Variants in ADGRB3 observed in about 807,000 individuals in gnomAD.
ADGRB3 encodes the protein adhesion G protein-coupled receptor B3.
ADGRB3 carries 37 observed loss-of-function variants against 193.4 expected under a neutral mutation model. That is an observed-to-expected ratio of 0.19 (90% CI 0.15 to 0.25). The LOEUF (loss-of-function observed/expected upper bound fraction) is 0.25, where lower values mean the gene tolerates loss of function less well. Ranked by LOEUF, ADGRB3 falls within the 10% of genes least tolerant of loss-of-function variation. The pLI is 1.00. For missense variants in ADGRB3, 1,637 were observed against 1,852.9 expected (o/e 0.88, Z 2.14); for synonymous variants, 690 against 644.2 (o/e 1.07, Z -1.08).
chr6:68,919,667 A>G (rs1309541200), intron 3 of ADGRB3, among the ~76,000 whole-genome samples: 1 of 152,032 alleles, frequency 6.6e-6, no homozygotes, highest in Non-Finnish European at 1.5e-5. Context: ...TTGAAAGCCA[A>G]GGAAGGTGAG....
In ADGRB3 at chr6:68,687,489, T is replaced by C. The variant is rs866157240; in HGVS notation, c.757+48057T>C. ...GAAGGCTAAGGTATCAGTTTTCAGG[T>C]ATATGCGATGCATATTTTGCCATGT... is the stretch of plus-strand genomic sequence containing the variant. On this transcript the variant is annotated intron_variant, in intron 3 of 31. Coordinates refer to ENST00000370598, the MANE Select transcript of ADGRB3 (RefSeq NM_001704.3). Among the ~76,000 whole-genome samples, 14 of 152,266 alleles carry C rather than the reference T, an allele frequency of 9.2e-5. No homozygotes were observed. The South Asian group carries it at 1.0e-3, about 11-fold the overall frequency.
At chr6:69,012,339 C>T (rs559687987) in intron 11 of ADGRB3, among the ~76,000 whole-genome samples, 4 of 151,992 alleles carry the variant, frequency 2.6e-5, no homozygotes, top group African/African-American at 7.2e-5. Context: ...GAATGCAGAC[C>T]GAGGTCATGG....
At chr6:69,092,205 A>G (rs1029777858) in intron 17 of ADGRB3, among the ~76,000 whole-genome samples, 1 of 152,324 alleles carries the variant, frequency 6.6e-6, no homozygotes, top group East Asian at 1.9e-4. Context: ...GGCTTGAGTC[A>G]TCTGTCCTAT....
At chr6:68,661,415 GTATATATATGTGTATACATA>G (rs1768637825) in intron 3 of ADGRB3, among the ~76,000 whole-genome samples, 1 of 68,452 alleles carries the variant, frequency 1.5e-5, no homozygotes, top group Non-Finnish European at 2.8e-5. Context: ...ATATGTGTGT[GTATATATATGTGTATACATA>G]TATATATGTG....
intron 17 of ADGRB3, among the ~76,000 whole-genome samples, chr6:69,129,297 A>T (rs1773939409): frequency 6.6e-6 from 1 of 152,202 alleles, no homozygotes; most frequent in African/African-American, 2.4e-5. Flanking sequence ...ATTAATGCCT[A>T]TGGAATGCAC....
intron 13 of ADGRB3, among the ~76,000 whole-genome samples, chr6:69,021,645 T>A (rs567903920): frequency 1.3e-5 from 2 of 152,024 alleles, no homozygotes; most frequent in East Asian, 3.9e-4. Context: ...TTCTAAGACT[T>A]AGGACGATAA....
chr6:68,643,275 C>G (rs991819348), intron 3 of ADGRB3, among the ~76,000 whole-genome samples: 3 of 152,044 alleles, frequency 2.0e-5, no homozygotes, highest in Non-Finnish European at 2.9e-5. Flanking sequence ...TAGTTCATGC[C>G]TGCGTGTGTA....
intron 3 of ADGRB3, among the ~76,000 whole-genome samples, chr6:68,770,763 G>T (rs1369485062): frequency 6.6e-6 from 1 of 152,098 alleles, no homozygotes; most frequent in Non-Finnish European, 1.5e-5. Context: ...GGCTAATGCT[G>T]GATCCCATAG....
chr6:69,118,678 C>T (rs2150328631), intron 17 of ADGRB3, among the ~76,000 whole-genome samples: 1 of 151,052 alleles, frequency 6.6e-6, no homozygotes, highest in South Asian at 2.1e-4. Context: ...TTAAGGGAGT[C>T]AGATCACAGT....
chr6:69,024,174 T>A (rs1408469395), intron 13 of ADGRB3, among the ~76,000 whole-genome samples: 1 of 152,114 alleles, frequency 6.6e-6, no homozygotes, highest in Non-Finnish European at 1.5e-5. Flanking sequence ...AAAGTTGGTG[T>A]CAGAGTAATA....
chr6:69,350,633 G>C (rs981948524), intron 26 of ADGRB3, among the ~76,000 whole-genome samples: 1 of 151,896 alleles, frequency 6.6e-6, no homozygotes, highest in Non-Finnish European at 1.5e-5. Flanking sequence ...AAATTTAGTT[G>C]TTACCTAAAA....
chr6:69,227,033 T>C (rs976884330), intron 17 of ADGRB3, among the ~76,000 whole-genome samples: 6 of 152,202 alleles, frequency 3.9e-5, no homozygotes, highest in African/African-American at 4.8e-5. Context: ...GTGTTAAATA[T>C]AATTTGTAGC....
At chr6:69,358,971 G>A (rs919764369) in intron 28 of ADGRB3, among the ~76,000 whole-genome samples, 3 of 151,548 alleles carry the variant, frequency 2.0e-5, no homozygotes, top group Non-Finnish European at 4.4e-5. Flanking sequence ...TCACTTGATT[G>A]AAATGTGTTG....
chr6:68,940,611 A>C (rs1213014777), intron 5 of ADGRB3, among the ~76,000 whole-genome samples: 2 of 99,424 alleles, frequency 2.0e-5, no homozygotes, highest in African/African-American at 3.7e-5. Context: ...CTTAAAAAAT[A>C]AAACCTAGCC....
intron 17 of ADGRB3, among the ~76,000 whole-genome samples, chr6:69,124,745 A>G (rs892781892): frequency 3.3e-5 from 5 of 152,094 alleles, no homozygotes; most frequent in South Asian, 2.1e-4. Context: ...CCTTTTTTCC[A>G]TATATGCAAT....
intron 6 of ADGRB3, among the ~76,000 whole-genome samples, chr6:68,952,695 A>G (rs1767961066): frequency 6.6e-6 from 1 of 152,212 alleles, no homozygotes; most frequent in African/African-American, 2.4e-5. Context: ...TTAATTTTCA[A>G]AAAGGATCTT....
At chr6:69,011,167 G>GTGTGTGTGTGTGTGTA (rs531482642) in intron 11 of ADGRB3, among the ~76,000 whole-genome samples, 1 of 143,052 alleles carries the variant, frequency 7.0e-6, no homozygotes, top group South Asian at 2.2e-4. Context: ...GTGTGTGTGT[G>GTGTGTGTGTGTGTGTA]TATATATATA....
intron 3 of ADGRB3, among the ~76,000 whole-genome samples, chr6:68,722,740 T>TA (rs1444618564): frequency 3.3e-5 from 5 of 151,708 alleles, no homozygotes; most frequent in African/African-American, 1.2e-4. Flanking sequence ...GACTGTCCCG[T>TA]AACATGAGAC....
Position 69,231,670 on chromosome 6 carries a change from T to TA in ADGRB3, c.2481-1614dup, listed in dbSNP as rs547473336. Among the ~76,000 whole-genome samples the TA allele has an allele frequency of 4.7e-4, 71 of 152,250 alleles. 1 individual carries two copies. Among genetic ancestry groups the TA allele is most frequent in the Middle Eastern group, 3.4e-3 (1 of 294 alleles). ...GCAGTTGATAATATAACTGCTTTTT[T>TA]AAAAAATTGGCATGGTTGCATGACA... On this transcript the variant is annotated intron_variant, in intron 17 of 31. Coordinates refer to ENST00000370598, the MANE Select transcript of ADGRB3 (RefSeq NM_001704.3).
Sources: gnomAD v4.1 joint callset for allele counts (sites outside exome capture counted in the v4.1 genomes callset) on GRCh38, gnomAD v4.1.1 for gene constraint, MANE v1.5 for transcripts, NCBI Gene and HGNC (gene_info 2026-07-23, HGNC 2026-07-21) for gene names.